VPS37D: variants seen among roughly 807,000 people sequenced by gnomAD.
VPS37D encodes vacuolar protein sorting-associated protein 37D.
A neutral mutation model predicts 22.0 loss-of-function variants in VPS37D; 5 were observed. That is an observed-to-expected ratio of 0.23 (90% CI 0.12 to 0.48). The LOEUF (loss-of-function observed/expected upper bound fraction) is 0.48, where lower values mean the gene tolerates loss of function less well. Among genes scored for constraint, VPS37D ranks in the 20% least tolerant of loss-of-function variants. The pLI, the probability that VPS37D is intolerant of heterozygous loss-of-function variation, is 0.99. For synonymous variants in VPS37D, 174 were observed against 159.3 expected (o/e 1.09, Z -0.69); for missense variants, 384 against 345.8 (o/e 1.11, Z -0.88).
In VPS37D at chr7:73,670,111, A is replaced by G; in HGVS notation, c.393+9A>G. The G allele has an allele frequency of 1.0e-6, 1 of 1,003,324 alleles. No homozygotes were observed. Among genetic ancestry groups the G allele is most frequent in the Non-Finnish European group, 1.4e-6 (1 of 707,094 alleles). 62.2% of individuals were successfully genotyped at this position (1,003,324 alleles called of 1,614,324 possible). A position where few individuals can be genotyped will look rare whatever the true frequency, so the allele number is the denominator to read the frequency against. On this transcript the variant is annotated intron_variant, in intron 3 of 3. Transcript: ENST00000324941. The stretch of plus-strand genomic sequence containing the variant: ...CGGAGCAGGAGGCAGAGGTGAGGGG[A>G]GGGGTGGCTGGGGCTGGGGGCCAGG...
chr7:73,669,310 G>C, intron 1 of VPS37D, 109 bp from the exon 2 acceptor site: 1 of 1,374,554 alleles, frequency 7.3e-7, no homozygotes, highest in Non-Finnish European at 9.6e-7. Flanking sequence ...TGCCTGACAG[G>C]TGCCTTTGGC....
chr7:73,668,194 C>G, intron 1 of VPS37D, 98 bp downstream of exon 1: 1 of 740,832 alleles, frequency 1.3e-6, no homozygotes, highest in Non-Finnish European at 1.7e-6. Flanking sequence ...GCCGCGGGGC[C>G]GCCCGTGGGC....
chr7:73,668,133 G>T (rs1430120329), intron 1 of VPS37D, 37 bp downstream of exon 1: 1 of 1,063,998 alleles, frequency 9.4e-7, no homozygotes, highest in African/African-American at 1.7e-5. Flanking sequence ...CGCGGGGGAC[G>T]GGCAGCGGCC....
upstream of VPS37D, among the ~76,000 whole-genome samples, chr7:73,666,456 G>A (rs896050510): frequency 1.3e-4 from 20 of 151,644 alleles, no homozygotes; most frequent in Admixed American, 5.3e-4. Context: ...GACGGAGCAC[G>A]GAGTCTCTGT....
intron 1 of VPS37D, 149 bp downstream of exon 1, chr7:73,668,245 C>G (rs1584193264): frequency 2.6e-6 from 1 of 377,782 alleles, no homozygotes; most frequent in African/African-American, 2.2e-5. Flanking sequence ...CGGAGCCACC[C>G]CCGGGGGAGG....
At chr7:73,669,975 C>G (rs1196159767) in intron 2 of VPS37D, 45 bp from the exon 3 acceptor site, 2 of 1,551,038 alleles carry the variant, frequency 1.3e-6, no homozygotes, top group South Asian at 1.2e-5. Flanking sequence ...AGTGCAAGCC[C>G]GGGGCCCTGG....
chr7:73,669,332 G>A lies in VPS37D; in HGVS notation c.139-87G>A, dbSNP rs1797451103. ...CAGGTGCCTTTGGCCTGGCCCTCAG[G>A]CACGGTCGCCCAGTAGGGTGGACGG... On this transcript the variant is annotated intron_variant, in intron 1 of 3. Coordinates refer to ENST00000324941, the MANE Select transcript of VPS37D (RefSeq NM_001077621.2). 4 of 1,438,526 alleles carry A rather than the reference G, an allele frequency of 2.8e-6. No individual in the cohort carries two copies. The South Asian group carries it at 5.7e-5, about 20-fold the overall frequency. 89.1% of individuals were successfully genotyped at this position (1,438,526 alleles called of 1,614,324 possible).
upstream of VPS37D, among the ~76,000 whole-genome samples, chr7:73,666,955 A>T (rs1385536002): frequency 6.7e-6 from 1 of 149,942 alleles, no homozygotes; most frequent in Non-Finnish European, 1.5e-5. Flanking sequence ...AATACTTTTA[A>T]AAATTGTTCT....
Position 73,668,187 on chromosome 7 carries a change from G to C in VPS37D, c.138+91G>C, listed in dbSNP as rs1797425383. The C allele has an allele frequency of 3.5e-5, 29 of 831,910 alleles. 1 individual carries two copies. The Admixed American group carries it at 1.7e-3, about 47-fold the overall frequency. 51.5% of individuals were successfully genotyped at this position (831,910 alleles called of 1,614,324 possible). ...AGGGAAGGGCCGCGCGGGCCGGGCC[G>C]CGGGGCCGCCCGTGGGCGCGGAGCC... On this transcript the variant is annotated intron_variant, in intron 1 of 3. Coordinates refer to ENST00000324941, the MANE Select transcript of VPS37D (RefSeq NM_001077621.2).
chr7:73,670,670 C>A (rs922021358), intron 3 of VPS37D, among the ~76,000 whole-genome samples: 1 of 152,028 alleles, frequency 6.6e-6, no homozygotes, highest in Non-Finnish European at 1.5e-5. Context: ...ATTAGCCGGG[C>A]GTGGTGGTGC....
Position 73,671,031 on chromosome 7 carries a change from G to A in VPS37D, c.411G>A (p.Leu137=), listed in dbSNP as rs374632880. 6.2e-7 allele frequency: 1 copy of A among 1,612,384 alleles called. No homozygotes were observed. The highest frequency in any genetic ancestry group is 8.5e-7 in the Non-Finnish European group (1 of 1,179,556). Reference sequence around the variant, plus strand: ...CGGCCCAGGAGCAGATGGAGCAGCTGCTGCTCGGGGAGCAAAGCCTGGAGG... The same window carrying A: ...CGGCCCAGGAGCAGATGGAGCAGCTACTGCTCGGGGAGCAAAGCCTGGAGG... ...EQEAEEQMEQ[L]LLGEQSLEAF... is the part of the protein sequence containing the mutation. The change falls in exon 4 of 4, where the codon CTG becomes CTA. Residue 137 remains leucine (L), a synonymous_variant. Coordinates refer to ENST00000324941, the MANE Select transcript of VPS37D (RefSeq NM_001077621.2).
chr7:73,671,199 C>T lies in VPS37D; in HGVS notation c.579C>T (p.Phe193=). 1 of 1,594,620 alleles carries T rather than the reference C, an allele frequency of 6.3e-7. No homozygotes were observed. Among genetic ancestry groups the T allele is most frequent in the Non-Finnish European group, 8.5e-7 (1 of 1,172,608 alleles). Residue 193 remains phenylalanine (F), a synonymous_variant, in exon 4 of 4, where the codon TTC becomes TTT. Coordinates refer to ENST00000324941, the MANE Select transcript of VPS37D (RefSeq NM_001077621.2). ...PTSAADPPKS[F]PAAAVLPTGA... ...CGGCTGCTGATCCCCCCAAATCCTTCCCGGCTGCAGCTGTCCTGCCCACTG... is the reference window on the plus strand; with the variant it reads ...CGGCTGCTGATCCCCCCAAATCCTTTCCGGCTGCAGCTGTCCTGCCCACTG...
intron 1 of VPS37D, 60 bp from the exon 2 acceptor site, chr7:73,669,359 G>A: frequency 1.3e-6 from 2 of 1,484,244 alleles, no homozygotes; most frequent in Non-Finnish European, 9.0e-7. Context: ...GGTGGACGGG[G>A]CAGTAGGGTG....
intron 2 of VPS37D, 58 bp from the exon 3 acceptor site, chr7:73,669,962 G>C: frequency 6.4e-7 from 1 of 1,550,816 alleles, no homozygotes; most frequent in African/African-American, 1.4e-5. Flanking sequence ...GGGTCAGCGG[G>C]AGAGTGCAAG....
chr7:73,667,633 G>A (rs1797404948), upstream of VPS37D, among the ~76,000 whole-genome samples: 1 of 152,020 alleles, frequency 6.6e-6, no homozygotes, highest in African/African-American at 2.4e-5. Flanking sequence ...GGTGAGCCAG[G>A]GCCGGTGCTG....
upstream of VPS37D, among the ~76,000 whole-genome samples, chr7:73,667,196 G>A (rs552703922): frequency 3.3e-5 from 5 of 151,692 alleles, no homozygotes; most frequent in African/African-American, 9.7e-5. Context: ...GGATGGTCTC[G>A]ATCTCCTGAC....
In VPS37D at chr7:73,671,300, G is replaced by T; in HGVS notation, c.680G>T (p.Gly227Val). 7.1e-7 allele frequency: 1 copy of T among 1,410,026 alleles called. No homozygotes were observed. The highest frequency in any genetic ancestry group is 9.2e-7 in the Non-Finnish European group (1 of 1,085,122). The allele number at this position is 1,410,026 out of a possible 1,614,324, so 87.3% of individuals were successfully genotyped here. Residue 227 changes from glycine (G) to valine (V), a missense_variant, in exon 4 of 4, where the codon GGC (glycine) becomes GTC (valine). By Grantham distance (109) the Gly-to-Val change is moderately radical. Transcript: ENST00000324941. ...TCCCGCCCAGTGCCCCCACTGAAGG[G>T]CTCCCCCGGGTGCCCCCTCGGCCCG... is the stretch of plus-strand genomic sequence containing the variant. ...LDSRPVPPLK[G>V]SPGCPLGPAP...
intron 2 of VPS37D, 82 bp from the exon 3 acceptor site, chr7:73,669,938 T>C: frequency 6.5e-7 from 1 of 1,545,876 alleles, no homozygotes; most frequent in East Asian, 2.4e-5. Flanking sequence ...GAAAGGGAAA[T>C]ATAGAATCAC....
At position 73,671,475 on chromosome 7, in the gene VPS37D, T is replaced by A; in HGVS notation, c.*99T>A. On this transcript the variant is annotated 3_prime_UTR_variant, in exon 4 of 4. Transcript: ENST00000324941. ...CTGGGTGGGGGGAGGGGCAGGCCCCTCCCCCTGGCCTCAGGCAGGCCCTGG... is the reference window on the plus strand; with the variant it reads ...CTGGGTGGGGGGAGGGGCAGGCCCCACCCCCTGGCCTCAGGCAGGCCCTGG... 8.2e-6 allele frequency: 2 copies of A among 244,140 alleles called. No individual in the cohort carries two copies. Among genetic ancestry groups the A allele is most frequent in the Non-Finnish European group, 1.4e-5 (2 of 147,000 alleles). 15.1% of individuals were successfully genotyped at this position (244,140 alleles called of 1,614,324 possible).
Sources: allele counts gnomAD v4.1 joint callset (sites outside exome capture counted in the v4.1 genomes callset), GRCh38; gene constraint gnomAD v4.1.1; transcripts MANE v1.5; gene names NCBI Gene and HGNC (gene_info 2026-07-23, HGNC 2026-07-21).